The following HGS variants were observed in gnomAD, a reference collection of about 807,000 sequenced individuals.
HGS encodes the protein human growth factor-regulated tyrosine kinase substrate.
HGS carries 63 observed loss-of-function variants against 109.7 expected under a neutral mutation model. That is an observed-to-expected ratio of 0.57 (90% confidence interval 0.47 to 0.71). The LOEUF is 0.71. Among genes scored for constraint, HGS ranks in the 30% least tolerant of loss-of-function variants. The pLI is 0.00. For synonymous variants in HGS, 546 were observed against 437.3 expected (o/e 1.25, Z -3.10); for missense variants, 995 against 1,068.3 (o/e 0.93, Z 0.96).
intron 18 of HGS, among the ~76,000 whole-genome samples, chr17:81,698,911 A>AG (rs2037193080): frequency 6.6e-6 from 1 of 152,128 alleles, no homozygotes; most frequent in African/African-American, 2.4e-5. Flanking sequence ...TACTAAAAAT[A>AG]CAAAAATTAG....
intron 21 of HGS, 183 bp downstream of exon 21, chr17:81,701,314 C>T (rs753025299): frequency 3.8e-5 from 30 of 792,658 alleles, no homozygotes; most frequent in Non-Finnish European, 4.6e-5. Flanking sequence ...CAGATACGCG[C>T]ATCCGCAAGT....
In HGS at chr17:81,687,086, C is replaced by T; in HGVS notation, c.282C>T (p.Asp94=). ...ANKQTMEELK[D]LLKRQVEVNV... ...AGCAGACCATGGAGGAGCTGAAGGA[C>T]CTGCTGAAGGTGGGTGAGACGGGGG... Residue 94 remains aspartate, a synonymous_variant, in exon 4 of 22, where the codon GAC becomes GAT. Coordinates refer to ENST00000329138, the MANE Select transcript of HGS (RefSeq NM_004712.5). 6.2e-7 allele frequency: 1 copy of T among 1,612,622 alleles called. No individual in the cohort carries two copies. Among genetic ancestry groups the T allele is most frequent in the Non-Finnish European group, 8.5e-7 (1 of 1,179,526 alleles).
intron 1 of HGS, among the ~76,000 whole-genome samples, chr17:81,685,357 C>A (rs1333312552): frequency 2.0e-5 from 3 of 152,200 alleles, no homozygotes; most frequent in Non-Finnish European, 4.4e-5. Context: ...GTGTCTTTAC[C>A]TCGCTCGCGG....
At chr17:81,696,289 C>T in intron 15 of HGS, 68 bp from the exon 16 acceptor site, 1 of 1,457,780 alleles carries the variant, frequency 6.9e-7, no homozygotes, top group Non-Finnish European at 9.1e-7. Context: ...ATCTGCGTGT[C>T]CGTTCCACCC....
chr17:81,686,949 G>C, intron 3 of HGS, 54 bp from the exon 4 acceptor site: 1 of 1,457,570 alleles, frequency 6.9e-7, no homozygotes, highest in Non-Finnish European at 9.5e-7. Flanking sequence ...CCGGGAGGAG[G>C]AGGGGCCCTG....
chr17:81,696,025 G>T (rs772908564), intron 15 of HGS, 26 bp downstream of exon 15: 1 of 1,523,342 alleles, frequency 6.6e-7, no homozygotes, highest in African/African-American at 1.4e-5. Flanking sequence ...ACGGGGCCTC[G>T]GCTCAGGGGC....
intron 5 of HGS, 96 bp downstream of exon 5, chr17:81,688,923 T>G: frequency 6.7e-7 from 1 of 1,501,738 alleles, no homozygotes; most frequent in Non-Finnish European, 9.2e-7. Flanking sequence ...GGAAGATGGG[T>G]TGTTCCCTGT....
chr17:81,694,013 T>TTGATGGGGGTCC (rs746722436), intron 11 of HGS, 48 bp downstream of exon 11: 1 of 1,507,698 alleles, frequency 6.6e-7, no homozygotes, highest in South Asian at 1.2e-5. Context: ...GGCAGTAGGG[T>TTGATGGGGGTCC]TGATGGGGGA....
At chr17:81,697,214 C>T in intron 18 of HGS, 4 of 530,252 alleles carry the variant, frequency 7.5e-6, no homozygotes, top group Admixed American at 3.5e-5. Context: ...CTGCCCTCTC[C>T]CCTGAATGCG....
At position 81,693,939 on chromosome 17, in the gene HGS, G is replaced by T. The variant is rs749317305; in HGVS notation, c.910G>T (p.Ala304Ser). 1 of 1,611,132 alleles carries T rather than the reference G, an allele frequency of 6.2e-7. No individual in the cohort carries two copies. Among genetic ancestry groups the T allele is most frequent in the South Asian group, 1.1e-5 (1 of 91,006 alleles). ...GCCCTCGGCCTCCTCAGCGCCCCCC[G>T]CCAGCAGCCTGTACTCTTCACCTGT... is the stretch of plus-strand genomic sequence containing the variant. ...PMPSASSAPP[A>S]SSLYSSPVNS... Residue 304 changes from alanine to serine, a missense_variant, in exon 11 of 22, where the codon GCC (alanine) becomes TCC (serine). Physicochemically the swap from Ala to Ser is moderately conservative, Grantham distance 99. Transcript: ENST00000329138.
At chr17:81,684,205 G>C (rs966135702) in intron 1 of HGS, 102 bp downstream of exon 1, 1 of 1,057,452 alleles carries the variant, frequency 9.5e-7, no homozygotes, top group African/African-American at 1.7e-5. Context: ...CGGACCGGCC[G>C]CCCTGCCCGC....
At chr17:81,687,195 G>A (rs1384013435) in intron 4 of HGS, 100 bp downstream of exon 4, 6 of 801,052 alleles carry the variant, frequency 7.5e-6, no homozygotes, top group South Asian at 3.0e-5. Flanking sequence ...CAGGTGTGGC[G>A]GAAAATGTGC....
rs376670277 is a variant in HGS, at chr17:81,693,573, C to G, written c.733C>G (p.Gln245Glu). The change falls in exon 9 of 22, where the codon CAG (glutamine) becomes GAG (glutamate). Residue 245 changes from glutamine to glutamate, a missense_variant. Physicochemically the swap from Gln to Glu is conservative, Grantham distance 29. Around this residue, in one of 6 missense-constraint regions of HGS, gnomAD observed 300 missense variants for 235.4 expected, o/e 1.27. Coordinates refer to ENST00000329138, the MANE Select transcript of HGS (RefSeq NM_004712.5). Reference protein sequence around the residue: ...PEYLTSPLSQQSQLPPKRDET... With the variant: ...PEYLTSPLSQESQLPPKRDET... ...GTACCTGACCAGCCCCCTGTCTCAG[C>G]AGTCCCAGGTACTCAGCCCCCTCCG... 3.5e-5 allele frequency: 57 copies of G among 1,609,018 alleles called. No individual in the cohort carries two copies. The highest frequency in any genetic ancestry group is 4.7e-5 in the Non-Finnish European group (55 of 1,176,382).
chr17:81,685,987 G>C (rs1354673637), intron 2 of HGS, among the ~76,000 whole-genome samples: 2 of 152,074 alleles, frequency 1.3e-5, no homozygotes, highest in Admixed American at 1.3e-4. Context: ...CTGAAGTGCA[G>C]TGGCGTGATC....
In HGS at chr17:81,693,598, G is replaced by A. The variant is rs370007940; in HGVS notation, c.741+17G>A. 1.2e-3 allele frequency: 1,907 copies of A among 1,564,978 alleles called. 5 individuals are homozygous for A. Among genetic ancestry groups the A allele is most frequent in the Non-Finnish European group, 1.5e-3 (1,732 of 1,145,356 alleles). On this transcript the variant is annotated intron_variant, in intron 9 of 21. Coordinates refer to ENST00000329138, the MANE Select transcript of HGS (RefSeq NM_004712.5). The stretch of plus-strand genomic sequence containing the variant: ...CAGTCCCAGGTACTCAGCCCCCTCC[G>A]TCCCGTGGGCACCTCTTCCCCGGCG...
intron 17 of HGS, 31 bp from the exon 18 acceptor site, chr17:81,696,793 C>G: frequency 1.3e-5 from 21 of 1,602,454 alleles, no homozygotes; most frequent in Non-Finnish European, 1.8e-5. Context: ...GGCTGAGGAC[C>G]AACTCTCACC....
At chr17:81,690,586 CGT>C (rs1192266615) in intron 6 of HGS, 86 bp from the exon 7 acceptor site, 3 of 1,328,450 alleles carry the variant, frequency 2.3e-6, no homozygotes, top group Non-Finnish European at 3.1e-6. Context: ...TCTCTGGGTC[CGT>C]TGCCTTCTGT....
chr17:81,688,570 C>A, intron 4 of HGS, 134 bp from the exon 5 acceptor site: 1 of 1,128,908 alleles, frequency 8.9e-7, no homozygotes, highest in Non-Finnish European at 1.3e-6. Flanking sequence ...CCACGCCCCA[C>A]TCGGGGGGCC....
At chr17:81,684,928 C>T (rs944382971) in intron 1 of HGS, 1 of 985,224 alleles carries the variant, frequency 1.0e-6, no homozygotes, top group African/African-American at 1.7e-5. Flanking sequence ...CAGAGGTTAA[C>T]TACTGAATCA....
Sources: allele counts gnomAD v4.1 joint callset (sites outside exome capture counted in the v4.1 genomes callset), GRCh38; gene constraint gnomAD v4.1.1; regional missense constraint gnomAD v4.1.1; transcripts MANE v1.5; gene names NCBI Gene and HGNC (gene_info 2026-07-23, HGNC 2026-07-21).